Variants in ANK2 observed in about 807,000 individuals in gnomAD.
The protein encoded by ANK2 is ankyrin 2.
In ANK2, 83 loss-of-function variants were observed where a neutral mutation model predicts 360.5. That is an observed-to-expected ratio of 0.23 (90% CI 0.19 to 0.28). The LOEUF is 0.28. ANK2 is among the 10% of genes least tolerant of loss of function. ANK2 has a pLI of 1.00. For synonymous variants in ANK2, 1,740 were observed against 1,759.5 expected (o/e 0.99, Z 0.28); for missense variants, 4,201 against 4,795.7 (o/e 0.88, Z 3.66).
At chr4:113,198,978 T>C (rs1277128293) in intron 3 of ANK2, 33 bp from the exon 4 acceptor site, 1 of 1,562,336 alleles carries the variant, frequency 6.4e-7, no homozygotes, top group African/African-American at 1.4e-5. Flanking sequence ...TTCAGAAACC[T>C]TGAACATTTT....
chr4:113,252,345 C>T (rs181422364), intron 10 of ANK2, among the ~76,000 whole-genome samples: 1 of 152,102 alleles, frequency 6.6e-6, no homozygotes, highest in Admixed American at 6.6e-5. Context: ...TGGGTGGGGA[C>T]ACAGCCAAAC....
chr4:113,282,787 C>A lies in ANK2; in HGVS notation c.1994C>A (p.Pro665Gln), dbSNP rs779699159. Residue 665 changes from proline to glutamine, a missense_variant, in exon 18 of 46, where the codon CCA becomes CAA. This residue lies in a region of ANK2 where 1,268 missense variants were observed against 1,650.8 expected (regional missense o/e 0.77). Coordinates refer to ENST00000357077, the MANE Select transcript of ANK2 (RefSeq NM_001148.6). ...TNIVTKQGVT[P>Q]LHLASQEGHT... ...ATTGTGACAAAGCAAGGAGTAACTC[C>A]ACTCCATCTGGCCTCGCAGGAGGGG... 3.7e-6 allele frequency: 6 copies of A among 1,613,998 alleles called. No homozygotes were observed. The highest frequency in any genetic ancestry group is 5.1e-6 in the Non-Finnish European group (6 of 1,179,952).
intron 2 of ANK2, among the ~76,000 whole-genome samples, chr4:112,935,800 G>A (rs923231280): frequency 6.6e-6 from 1 of 152,108 alleles, no homozygotes; most frequent in Non-Finnish European, 1.5e-5. Flanking sequence ...CCGAGATCAT[G>A]CCACTGCATT....
intron 9 of ANK2, among the ~76,000 whole-genome samples, chr4:113,245,669 A>G (rs1462442928): frequency 6.6e-6 from 1 of 152,198 alleles, no homozygotes; most frequent in Admixed American, 6.5e-5. Flanking sequence ...CCCATGACAC[A>G]TAGGGATTAC....
intron 21 of ANK2, 133 bp from the exon 22 acceptor site, chr4:113,293,307 C>A: frequency 1.3e-6 from 1 of 792,230 alleles, no homozygotes; most frequent in Non-Finnish European, 2.1e-6. Flanking sequence ...ATGGTAAAAA[C>A]TAGTGATTTT....
chr4:113,001,066 G>A (rs2050457240), intron 2 of ANK2, among the ~76,000 whole-genome samples: 1 of 152,104 alleles, frequency 6.6e-6, no homozygotes, highest in African/African-American at 2.4e-5. Flanking sequence ...CGGGCACGGT[G>A]GTTCACGCCT....
the ANK2 span, among the ~76,000 whole-genome samples, chr4:112,799,418 C>T: frequency 2.0e-5 from 3 of 152,038 alleles, no homozygotes; most frequent in African/African-American, 7.2e-5. Flanking sequence ...GGTAGTGGCA[C>T]CATTTTATAT....
chr4:112,842,943 A>G (rs1046665054), intron 1 of ANK2, among the ~76,000 whole-genome samples: 1 of 152,200 alleles, frequency 6.6e-6, no homozygotes, highest in African/African-American at 2.4e-5. Context: ...TCTAGGGAGA[A>G]TCTGTTTTCT....
chr4:112,826,283 T>C (rs1579116169), intron 1 of ANK2: 4 of 558,352 alleles, frequency 7.2e-6, no homozygotes, highest in Non-Finnish European at 6.0e-6. Context: ...GACTATAAAT[T>C]TCTATAGAGT....
At chr4:113,003,343 T>C (rs1403703689) in intron 2 of ANK2, among the ~76,000 whole-genome samples, 4 of 152,190 alleles carry the variant, frequency 2.6e-5, no homozygotes, top group Admixed American at 6.5e-5. Context: ...AGTTAATCTA[T>C]ATATTTGACC....
chr4:113,151,839 G>T (rs1478615190), intron 1 of ANK2, among the ~76,000 whole-genome samples: 1 of 150,978 alleles, frequency 6.6e-6, no homozygotes, highest in African/African-American at 2.4e-5. Context: ...GCTGAGGTGG[G>T]AGGATCACTT....
intron 1 of ANK2, among the ~76,000 whole-genome samples, chr4:113,130,854 G>A (rs1305148724): frequency 6.6e-6 from 1 of 152,178 alleles, no homozygotes; most frequent in Non-Finnish European, 1.5e-5. Context: ...AGGAAGAGAA[G>A]TTTCCTTAGG....
chr4:112,809,264 GAAAT>G, the ANK2 span, among the ~76,000 whole-genome samples: 93 of 148,432 alleles, frequency 6.3e-4, no homozygotes, highest in African/African-American at 2.0e-3. Flanking sequence ...TAAATGGTTA[GAAAT>G]AAATAAATAA....
chr4:112,757,109 T>A, the ANK2 span, among the ~76,000 whole-genome samples: 1 of 150,668 alleles, frequency 6.6e-6, no homozygotes, highest in African/African-American at 2.4e-5. Context: ...TGACTTTTCT[T>A]TTCTTTTTTT....
chr4:113,065,611 C>T (rs547169990), intron 1 of ANK2, among the ~76,000 whole-genome samples: 2 of 152,220 alleles, frequency 1.3e-5, no homozygotes, highest in African/African-American at 4.8e-5. Flanking sequence ...AGTGTTTTTC[C>T]TGTTTCTTAC....
intron 1 of ANK2, among the ~76,000 whole-genome samples, chr4:112,823,590 A>G (rs964858226): frequency 4.0e-5 from 6 of 151,788 alleles, no homozygotes; most frequent in Non-Finnish European, 5.9e-5. Flanking sequence ...AAAAAATGCA[A>G]AGTTCAGTAA....
At chr4:113,100,081 C>T (rs570428034) in intron 1 of ANK2, among the ~76,000 whole-genome samples, 1 of 151,874 alleles carries the variant, frequency 6.6e-6, no homozygotes. Context: ...TTTTTAGATA[C>T]AGTACCAAAA....
intron 24 of ANK2, among the ~76,000 whole-genome samples, chr4:113,315,217 T>A (rs1470734925): frequency 1.3e-5 from 2 of 152,194 alleles, no homozygotes; most frequent in African/African-American, 4.8e-5. Context: ...CTTGTATGAC[T>A]GATATACCGA....
chr4:112,812,837 A>T, the ANK2 span, among the ~76,000 whole-genome samples: 7 of 152,194 alleles, frequency 4.6e-5, no homozygotes, highest in African/African-American at 1.7e-4. Context: ...TTCTGCTATA[A>T]GACAATGTGC....
Sources: gnomAD v4.1 joint callset for allele counts (sites outside exome capture counted in the v4.1 genomes callset) on GRCh38, gnomAD v4.1.1 for gene constraint, gnomAD v4.1.1 regional missense constraint, MANE v1.5 for transcripts, NCBI Gene and HGNC (gene_info 2026-07-23, HGNC 2026-07-21) for gene names.